NLGN1: variants seen among roughly 807,000 people sequenced by gnomAD.
The protein encoded by NLGN1 is neuroligin-1.
In NLGN1, 12 loss-of-function variants were observed where a neutral mutation model predicts 65.5. The observed-to-expected ratio is 0.18, with a 90% CI of 0.12 to 0.30. NLGN1 has a LOEUF of 0.30. Ranked by LOEUF, NLGN1 falls within the 10% of genes least tolerant of loss-of-function variation. NLGN1 has a pLI of 1.00. For missense variants in NLGN1, 750 were observed against 1,007.1 expected (o/e 0.74, Z 3.46); for synonymous variants, 350 against 359.5 (o/e 0.97, Z 0.30).
At chr3:174,098,891 A>G (rs998348932) in intron 4 of NLGN1, among the ~76,000 whole-genome samples, 3 of 152,234 alleles carry the variant, frequency 2.0e-5, no homozygotes, top group Non-Finnish European at 4.4e-5. Context: ...TGCATAAGCC[A>G]TTAGAAGATT....
intron 4 of NLGN1, among the ~76,000 whole-genome samples, chr3:174,070,661 CATATTAA>C (rs1345011308): frequency 2.0e-5 from 3 of 152,108 alleles, no homozygotes; most frequent in Non-Finnish European, 2.9e-5. Flanking sequence ...GAAAAGTTAA[CATATTAA>C]ATATTAGAAC....
intron 1 of NLGN1, among the ~76,000 whole-genome samples, chr3:173,413,167 G>A (rs1046701011): frequency 6.6e-6 from 1 of 152,018 alleles, no homozygotes; most frequent in Non-Finnish European, 1.5e-5. Flanking sequence ...TAAGGAAGTC[G>A]GGGATGCAAT....
chr3:174,103,943 A>T (rs1252122246), intron 4 of NLGN1, among the ~76,000 whole-genome samples: 1 of 152,028 alleles, frequency 6.6e-6, no homozygotes, highest in Non-Finnish European at 1.5e-5. Context: ...TTCTATATAG[A>T]TTACTGGCAA....
intron 3 of NLGN1, among the ~76,000 whole-genome samples, chr3:173,736,347 C>T (rs1277983400): frequency 6.6e-6 from 1 of 152,020 alleles, no homozygotes; most frequent in Admixed American, 6.6e-5. Flanking sequence ...TTCCACCAGT[C>T]CTACAAATGT....
intron 4 of NLGN1, among the ~76,000 whole-genome samples, chr3:174,155,380 A>G (rs2902011): frequency 0.37 from 55,526 of 151,564 alleles, 11,902 homozygotes; most frequent in African/African-American, 0.59. Flanking sequence ...TTTGAGGTAC[A>G]GTGTTTGATG....
At chr3:174,043,493 C>T (rs185052433) in intron 4 of NLGN1, among the ~76,000 whole-genome samples, 27 of 152,246 alleles carry the variant, frequency 1.8e-4, no homozygotes, top group Admixed American at 1.0e-3. Context: ...CAAATGGGAG[C>T]AATTGGCTAA....
intron 4 of NLGN1, among the ~76,000 whole-genome samples, chr3:173,968,160 G>A (rs1202831317): frequency 6.6e-6 from 1 of 151,942 alleles, no homozygotes; most frequent in East Asian, 1.9e-4. Context: ...AACATCGTGG[G>A]GTTTTTCAAT....
At chr3:173,455,207 A>G (rs1029414298) in intron 2 of NLGN1, among the ~76,000 whole-genome samples, 2 of 152,178 alleles carry the variant, frequency 1.3e-5, no homozygotes, top group South Asian at 2.1e-4. Context: ...TGGCCTGTGA[A>G]CCTCAGGAAT....
chr3:173,851,933 CTTGTT>C (rs1161322840), intron 4 of NLGN1, among the ~76,000 whole-genome samples: 1 of 151,456 alleles, frequency 6.6e-6, no homozygotes. Context: ...CTTGATGTCA[CTTGTT>C]TTTTTTTTCT....
intron 3 of NLGN1, among the ~76,000 whole-genome samples, chr3:173,698,090 C>G (rs1167041611): frequency 6.7e-6 from 1 of 149,824 alleles, no homozygotes; most frequent in East Asian, 2.0e-4. Flanking sequence ...AGCTTAAAAA[C>G]TTTTTCCCAT....
intron 2 of NLGN1, among the ~76,000 whole-genome samples, chr3:173,530,342 G>T (rs938981656): frequency 2.0e-5 from 3 of 152,068 alleles, no homozygotes; most frequent in African/African-American, 7.2e-5. Context: ...ATCCCCATTT[G>T]GTCAATGAGA....
At chr3:173,761,971 A>G (rs1039914242) in intron 3 of NLGN1, among the ~76,000 whole-genome samples, 1 of 152,132 alleles carries the variant, frequency 6.6e-6, no homozygotes, top group East Asian at 1.9e-4. Context: ...GAAATAATCC[A>G]AGAAAGCAGT....
chr3:173,814,065 C>T (rs914831620), intron 4 of NLGN1, among the ~76,000 whole-genome samples: 2 of 152,242 alleles, frequency 1.3e-5, no homozygotes, highest in South Asian at 2.1e-4. Flanking sequence ...CACGGACGAC[C>T]GTGACTTCCC....
At chr3:174,282,413 C>T (rs1751642626) in exon 7 of NLGN1, 1 of 152,188 alleles carries the variant, frequency 6.6e-6, no homozygotes, top group Non-Finnish European at 1.5e-5. Flanking sequence ...ACTCATGCTG[C>T]ATGACAAAAT....
intron 2 of NLGN1, among the ~76,000 whole-genome samples, chr3:173,577,659 C>G (rs1247597084): frequency 6.6e-6 from 1 of 152,136 alleles, no homozygotes; most frequent in Non-Finnish European, 1.5e-5. Context: ...TTTTGTCATT[C>G]TGTTTAACTA....
rs560267506 is a variant in NLGN1 at position 173,627,078 on chromosome 3, G to T, written c.493+21987G>T. On this transcript the variant is annotated intron_variant, in intron 3 of 6. Transcript: ENST00000457714. ...AGTGATATAATTTTTCTTTCCCTTT[G>T]TTCTTTACTCTGATCTACCATGGGT... Among the ~76,000 whole-genome samples, 341 of 152,070 alleles carry T rather than the reference G, an allele frequency of 2.2e-3. 1 individual carries two copies. Among genetic ancestry groups the T allele is most frequent in the Non-Finnish European group, 4.3e-3 (293 of 67,926 alleles).
intron 3 of NLGN1, among the ~76,000 whole-genome samples, chr3:173,660,425 C>A (rs1291080699): frequency 6.6e-6 from 1 of 151,502 alleles, no homozygotes; most frequent in Non-Finnish European, 1.5e-5. Context: ...TAGGTTCATG[C>A]ATTGAAATTC....
intron 2 of NLGN1, among the ~76,000 whole-genome samples, chr3:173,576,383 T>C (rs1745506967): frequency 6.6e-6 from 1 of 152,168 alleles, no homozygotes; most frequent in Non-Finnish European, 1.5e-5. Flanking sequence ...ACAACACAAA[T>C]TTATTATCTT....
intron 4 of NLGN1, among the ~76,000 whole-genome samples, chr3:174,160,052 C>A (rs143066484): frequency 1.3e-5 from 2 of 151,678 alleles, no homozygotes; most frequent in East Asian, 3.9e-4. Context: ...AGCATGAATT[C>A]TTTTCCTTTT....
Sources: gnomAD v4.1 joint callset for allele counts (sites outside exome capture counted in the v4.1 genomes callset) on GRCh38, gnomAD v4.1.1 for gene constraint, MANE v1.5 for transcripts, NCBI Gene and HGNC (gene_info 2026-07-23, HGNC 2026-07-21) for gene names.